The following GRM1 variants were observed in gnomAD, a reference collection of about 807,000 sequenced individuals.
GRM1 encodes metabotropic glutamate receptor 1.
In GRM1, 33 loss-of-function variants were observed where a neutral mutation model predicts 90.9. That is an observed-to-expected ratio of 0.36 (90% CI 0.28 to 0.49). The LOEUF (loss-of-function observed/expected upper bound fraction) is 0.49. GRM1 is among the 20% of genes least tolerant of loss of function. The pLI, the probability that GRM1 is intolerant of heterozygous loss-of-function variation, is 0.99. For synonymous variants in GRM1, 700 were observed against 613.2 expected, an observed-to-expected ratio of 1.14 and a Z score of -2.09; for missense variants, 1,190 against 1,534.3, an observed-to-expected ratio of 0.78 and a Z score of 3.75.
chr6:146,090,207 G>A (rs1776670569), intron 1 of GRM1, among the ~76,000 whole-genome samples: 1 of 152,148 alleles, frequency 6.6e-6, no homozygotes, highest in East Asian at 1.9e-4. Context: ...CCTCCTTGAG[G>A]CCATGGGTTT....
chr6:146,399,195 C>T lies in GRM1; in HGVS notation c.2156C>T (p.Thr719Ile). 6.2e-7 allele frequency: 1 copy of T among 1,614,044 alleles called. No individual in the cohort carries two copies. ...IASILISVQL[T>I]LVVTLIIMEP... is the part of the protein sequence containing the mutation. Reference sequence around the variant, plus strand: ...TCAATTCTGATTAGTGTGCAACTAACCCTGGTGGTAACCCTGATCATCATG... The same window carrying T: ...TCAATTCTGATTAGTGTGCAACTAATCCTGGTGGTAACCCTGATCATCATG... The change falls in exon 7 of 8, where the codon ACC becomes ATC. Residue 719 changes from threonine (T) to isoleucine (I), a missense_variant. By Grantham distance (89) the Thr-to-Ile change is moderately conservative. This residue lies in a region of GRM1 where 414 missense variants were observed against 598.4 expected (regional missense o/e 0.69). Transcript: ENST00000282753. The surrounding 1 kb of genome is among the most constrained non-coding windows in gnomAD (Gnocchi z 5.4).
At chr6:146,233,874 T>C (rs1282645023) in intron 2 of GRM1, among the ~76,000 whole-genome samples, 1 of 152,102 alleles carries the variant, frequency 6.6e-6, no homozygotes, top group Non-Finnish European at 1.5e-5. Context: ...ATTTGTTCTA[T>C]CAATTACTAA....
intron 7 of GRM1, among the ~76,000 whole-genome samples, chr6:146,430,459 C>G (rs952277735): frequency 1.3e-5 from 2 of 152,152 alleles, no homozygotes; most frequent in African/African-American, 4.8e-5. Flanking sequence ...GAAGTCGGAG[C>G]AAAAGGTTCA....
intron 7 of GRM1, among the ~76,000 whole-genome samples, chr6:146,406,167 G>T (rs1777340744): frequency 6.6e-6 from 1 of 152,148 alleles, no homozygotes; most frequent in Non-Finnish European, 1.5e-5. Context: ...TCTGGTGTGT[G>T]CCGGGAGGCC....
chr6:146,167,746 A>G (rs1436698676), intron 2 of GRM1, among the ~76,000 whole-genome samples: 1 of 152,038 alleles, frequency 6.6e-6, no homozygotes, highest in Non-Finnish European at 1.5e-5. Context: ...TTATCTTCTC[A>G]TTATGGAGTC....
In GRM1 at chr6:146,279,205, T is replaced by A. The variant is rs1782481101; in HGVS notation, c.951-25406T>A. On this transcript the variant is annotated intron_variant, in intron 2 of 7. Transcript: ENST00000282753. ...TATGGAATCAATAGTGATTTTTAAT[T>A]CATTGCTATTATTGATCATTTATAT... is the stretch of plus-strand genomic sequence containing the variant. 5.9e-5 allele frequency among the ~76,000 whole-genome samples: 9 copies of A among 152,202 alleles called. 1 individual carries two copies. Among genetic ancestry groups the A allele is most frequent in the Admixed American group, 5.9e-4 (9 of 15,290 alleles).
chr6:146,317,761 T>C (rs897666170), intron 3 of GRM1, among the ~76,000 whole-genome samples: 2 of 152,214 alleles, frequency 1.3e-5, no homozygotes, highest in African/African-American at 4.8e-5. Flanking sequence ...CAATGTGAAC[T>C]TAGTTTAAAA....
chr6:146,351,808 T>C (rs1413720379), intron 3 of GRM1, among the ~76,000 whole-genome samples: 1 of 152,154 alleles, frequency 6.6e-6, no homozygotes, highest in African/African-American at 2.4e-5. Flanking sequence ...GAAAATACCA[T>C]GGTTTAGATA....
chr6:146,110,707 T>C (rs141260420), intron 1 of GRM1, among the ~76,000 whole-genome samples: 2 of 152,314 alleles, frequency 1.3e-5, no homozygotes, highest in Non-Finnish European at 2.9e-5. Context: ...TAAATGCTTG[T>C]TATTTAAGGC....
intron 6 of GRM1, among the ~76,000 whole-genome samples, chr6:146,396,911 A>G (rs1208158433): frequency 6.6e-6 from 1 of 152,204 alleles, no homozygotes; most frequent in Non-Finnish European, 1.5e-5. Flanking sequence ...AGTGCCTTCT[A>G]TATAAAGACC....
At chr6:146,349,683 G>A (rs979669448) in intron 3 of GRM1, among the ~76,000 whole-genome samples, 1 of 151,956 alleles carries the variant, frequency 6.6e-6, no homozygotes, top group African/African-American at 2.4e-5. Flanking sequence ...GAGACATCAG[G>A]TATTCTTGTA....
rs543511910 is a variant in GRM1 at position 146,167,796 on chromosome 6, C to T, written c.950+8199C>T. Among the ~76,000 whole-genome samples, 31 of 152,034 alleles carry T rather than the reference C, an allele frequency of 2.0e-4. No homozygotes were observed. The South Asian group carries it at 3.1e-3, about 15-fold the overall frequency. On this transcript the variant is annotated intron_variant, in intron 2 of 7. Coordinates refer to ENST00000282753, the MANE Select transcript of GRM1 (RefSeq NM_001278064.2). ...TAATTTCTGGACACAAGTGATTTAT[C>T]GTATATGTGTATAATAAATATTTTC...
intron 3 of GRM1, among the ~76,000 whole-genome samples, chr6:146,344,914 C>A (rs568852100): frequency 1.5e-4 from 23 of 152,260 alleles, no homozygotes; most frequent in Admixed American, 5.9e-4. Flanking sequence ...CAGGTTCAAG[C>A]GATTCTCCTG....
At chr6:146,301,190 C>G (rs1169269458) in intron 2 of GRM1, among the ~76,000 whole-genome samples, 1 of 151,958 alleles carries the variant, frequency 6.6e-6, no homozygotes, top group Admixed American at 6.6e-5. Context: ...TATCCTGGTT[C>G]TCCTTGATTT....
At chr6:146,210,151 G>C (rs1000750383) in intron 2 of GRM1, among the ~76,000 whole-genome samples, 1 of 152,148 alleles carries the variant, frequency 6.6e-6, no homozygotes, top group African/African-American at 2.4e-5. Flanking sequence ...TCAGCAGATT[G>C]AGTTGCAATG....
At chr6:146,131,704 G>A (rs1776403521) in intron 1 of GRM1, among the ~76,000 whole-genome samples, 1 of 152,066 alleles carries the variant, frequency 6.6e-6, no homozygotes, top group African/African-American at 2.4e-5. Flanking sequence ...TGGAAACTTT[G>A]TTTAGGCACT....
intron 2 of GRM1, among the ~76,000 whole-genome samples, chr6:146,210,190 C>T (rs950501131): frequency 3.3e-5 from 5 of 152,078 alleles, no homozygotes; most frequent in African/African-American, 4.8e-5. Context: ...GAAGCATGGC[C>T]TTGAGGGACA....
rs1776731366 is a variant in GRM1, at chr6:146,138,909, A to C, written c.701-20439A>C. On this transcript the variant is annotated intron_variant, in intron 1 of 7. Coordinates refer to ENST00000282753, the MANE Select transcript of GRM1 (RefSeq NM_001278064.2). ...CTTGTTTTCTAGTTCTTTAAGATGC[A>C]TACTTAGGTTGTTTATTTGAAATGT... 1.3e-5 allele frequency among the ~76,000 whole-genome samples: 2 copies of C among 150,864 alleles called. 1 individual carries two copies. The highest frequency in any genetic ancestry group is 3.0e-5 in the Non-Finnish European group (2 of 67,660).
chr6:146,032,305 A>G (rs1790735795), intron 1 of GRM1, among the ~76,000 whole-genome samples: 1 of 152,202 alleles, frequency 6.6e-6, no homozygotes, highest in Non-Finnish European at 1.5e-5. Flanking sequence ...TTTATTACCA[A>G]GCAGTTACAC....
Sources: allele counts gnomAD v4.1 joint callset (sites outside exome capture counted in the v4.1 genomes callset), GRCh38; gene constraint gnomAD v4.1.1; regional missense constraint gnomAD v4.1.1; non-coding constraint Gnocchi (gnomAD v3.1); transcripts MANE v1.5; gene names NCBI Gene and HGNC (gene_info 2026-07-23, HGNC 2026-07-21).